The following MAPK9 variants were observed in gnomAD, a reference collection of about 807,000 sequenced individuals.
MAPK9 encodes the protein mitogen-activated protein kinase 9.
A neutral mutation model predicts 57.1 loss-of-function variants in MAPK9; 30 were observed. The ratio of observed to expected loss-of-function variants is 0.53; its 90% CI spans 0.39 to 0.71. The LOEUF is 0.71. Ranked by LOEUF, MAPK9 falls within the 30% of genes least tolerant of loss-of-function variation. MAPK9 has a pLI of 0.00. For missense variants in MAPK9, 362 were observed against 521.0 expected (o/e 0.69, Z 2.97); for synonymous variants, 155 against 177.0 (o/e 0.88, Z 0.99).
At chr5:180,254,194 T>A (rs1759024386) in intron 5 of MAPK9, among the ~76,000 whole-genome samples, 1 of 152,176 alleles carries the variant, frequency 6.6e-6, no homozygotes, top group African/African-American at 2.4e-5. Flanking sequence ...GTCGAACTCT[T>A]GACCTCAGGT....
intron 6 of MAPK9, chr5:180,248,027 C>T (rs780080354): frequency 3.4e-5 from 38 of 1,107,632 alleles, no homozygotes; most frequent in East Asian, 4.9e-5. Flanking sequence ...AGCTTGCCGG[C>T]GGGAGCCTCT....
At chr5:180,243,227 T>C (rs1420777848) in intron 7 of MAPK9, among the ~76,000 whole-genome samples, 1 of 152,216 alleles carries the variant, frequency 6.6e-6, no homozygotes, top group Non-Finnish European at 1.5e-5. Flanking sequence ...ACCAAGCAAC[T>C]GGGCTTAGAC....
rs1022943902 is a variant in MAPK9, at chr5:180,233,426, C to T, written c.*2958G>A. The T allele has an allele frequency of 1.3e-5, 2 of 152,156 alleles. No homozygotes were observed. The highest frequency in any genetic ancestry group is 6.5e-5 in the Admixed American group (1 of 15,278). 9.4% of individuals were successfully genotyped at this position (152,156 alleles called of 1,614,324 possible). On this transcript the variant is annotated 3_prime_UTR_variant, in exon 12 of 12. Coordinates refer to ENST00000452135, the MANE Select transcript of MAPK9 (RefSeq NM_002752.5). ...TTGCAGAATATTTTCAATAAGAGAA[C>T]AAACAGCAATGTTTCTGCCTCTCAG...
At chr5:180,253,034 CA>C (rs1188861810) in intron 5 of MAPK9, among the ~76,000 whole-genome samples, 2 of 152,216 alleles carry the variant, frequency 1.3e-5, no homozygotes, top group African/African-American at 4.8e-5. Flanking sequence ...TCTCCCGCCA[CA>C]GGAGTGAGAG....
At chr5:180,259,636 A>G (rs971917900) in intron 5 of MAPK9, among the ~76,000 whole-genome samples, 3 of 151,832 alleles carry the variant, frequency 2.0e-5, no homozygotes, top group Non-Finnish European at 4.4e-5. Context: ...GACTGTAAGG[A>G]ATGTGGTCAA....
At chr5:180,241,178 A>G in intron 8 of MAPK9, 23 bp from the exon 9 acceptor site, 1 of 1,602,296 alleles carries the variant, frequency 6.2e-7, no homozygotes, top group South Asian at 1.1e-5. Flanking sequence ...CAAATATTAA[A>G]TTAATGCTGT....
Position 180,242,698 on chromosome 5 carries a change from A to G in MAPK9, c.746T>C (p.Met249Thr). 6.2e-7 allele frequency: 1 copy of G among 1,614,168 alleles called. No homozygotes were observed. The highest frequency in any genetic ancestry group is 8.5e-7 in the Non-Finnish European group (1 of 1,180,034). ...EQLGTPSAEF[M>T]KKLQPTVRNY... The stretch of plus-strand genomic sequence containing the variant: ...CCTCACAGTTGGCTGAAGTTTCTTC[A>G]TGAACTCTGCTGATGGTGTTCCCAG... The change falls in exon 8 of 12, where the codon ATG becomes ACG. Residue 249 changes from methionine to threonine, a missense_variant. Physicochemically the swap from Met to Thr is moderately conservative, Grantham distance 81. This residue lies in a region of MAPK9 where 199 missense variants were observed against 251.3 expected (regional missense o/e 0.79). Coordinates refer to ENST00000452135, the MANE Select transcript of MAPK9 (RefSeq NM_002752.5).
intron 11 of MAPK9, chr5:180,236,877 C>A: frequency 6.1e-6 from 1 of 163,216 alleles, no homozygotes; most frequent in Non-Finnish European, 1.3e-5. Flanking sequence ...TGCAGTATCA[C>A]AAAAGCTTAA....
rs1761907719 is a variant in MAPK9, at chr5:180,277,272, CA to C, written c.122+3167del. On this transcript the variant is annotated intron_variant, in intron 2 of 11. Transcript: ENST00000452135. The stretch of plus-strand genomic sequence containing the variant: ...TTCTGGAGGTGAGAAGTCCAAAATG[CA>C]TCTTATGCCTCAAGAGGTAAGCAGG... Among the ~76,000 whole-genome samples the C allele has an allele frequency of 2.6e-5, 4 of 152,210 alleles. No individual in the cohort carries two copies. In the South Asian group the frequency reaches 8.3e-4, roughly 32 times the overall value.
At position 180,267,738 on chromosome 5, in the gene MAPK9, G is replaced by A. The variant is rs376763634; in HGVS notation, c.252+1542C>T. On this transcript the variant is annotated intron_variant, in intron 3 of 11. Transcript: ENST00000452135. ...AAAACTGCCAAGCATGGTGGCGCAC[G>A]CCTATGGTCCCAGCTACTTGGAGGG... Among the ~76,000 whole-genome samples, 9 of 152,164 alleles carry A rather than the reference G, an allele frequency of 5.9e-5. No individual in the cohort carries two copies. The East Asian group carries it at 7.7e-4, about 13-fold the overall frequency.
intron 2 of MAPK9, among the ~76,000 whole-genome samples, chr5:180,276,811 G>A (rs902461863): frequency 1.3e-5 from 2 of 152,146 alleles, no homozygotes; most frequent in African/African-American, 4.8e-5. Flanking sequence ...CCAAGATCAC[G>A]CCACTGCACT....
At chr5:180,275,548 C>T (rs1376977012) in intron 2 of MAPK9, among the ~76,000 whole-genome samples, 2 of 152,200 alleles carry the variant, frequency 1.3e-5, no homozygotes, top group Non-Finnish European at 2.9e-5. Context: ...TTTCAAATGC[C>T]CCCAAGGGAA....
intron 5 of MAPK9, among the ~76,000 whole-genome samples, chr5:180,260,603 C>G (rs937008394): frequency 1.3e-5 from 2 of 152,144 alleles, no homozygotes; most frequent in African/African-American, 4.8e-5. Flanking sequence ...ACCCTTTAAG[C>G]AACATGAATC....
At chr5:180,249,270 T>C (rs1469751915) in intron 5 of MAPK9, 132 bp from the exon 6 acceptor site, 1 of 845,404 alleles carries the variant, frequency 1.2e-6, no homozygotes, top group Non-Finnish European at 1.7e-6. Flanking sequence ...GGGAACAACT[T>C]TGGAAAATCT....
chr5:180,276,012 C>T (rs1761781050), intron 2 of MAPK9, among the ~76,000 whole-genome samples: 1 of 152,158 alleles, frequency 6.6e-6, no homozygotes, highest in Non-Finnish European at 1.5e-5. Context: ...ACTCATTTTA[C>T]AGGTGAAAAT....
intron 1 of MAPK9, among the ~76,000 whole-genome samples, chr5:180,284,535 A>G (rs1001067840): frequency 6.6e-6 from 1 of 152,236 alleles, no homozygotes; most frequent in Non-Finnish European, 1.5e-5. Flanking sequence ...ACTTTCATAC[A>G]CGTCAGTGAG....
At chr5:180,275,071 T>C (rs936451590) in intron 2 of MAPK9, among the ~76,000 whole-genome samples, 7 of 152,224 alleles carry the variant, frequency 4.6e-5, no homozygotes, top group African/African-American at 9.6e-5. Flanking sequence ...CGTAATATCA[T>C]AGCTATTTAA....
In MAPK9 at chr5:180,238,354, A is replaced by G. The variant is rs138473736; in HGVS notation, c.1110T>C (p.Gly370=). 563 of 1,612,728 alleles carry G rather than the reference A, an allele frequency of 3.5e-4. No homozygotes were observed. The highest frequency in any genetic ancestry group is 4.7e-4 in the Non-Finnish European group (550 of 1,179,004). The change falls in exon 11 of 12, where the codon GGT becomes GGC. Residue 370 remains glycine (G), a synonymous_variant. Coordinates refer to ENST00000452135, the MANE Select transcript of MAPK9 (RefSeq NM_002752.5). ...VMDWEERSKN[G]VVKDQPSDAA... ...AACCTGAAGGCTGATCTTTTACAAC[A>G]CCATTCTTGCTTCTTTCTTCCCAAT...
In MAPK9 at chr5:180,250,182, C is replaced by T. The variant is rs147537324; in HGVS notation, c.451-1044G>A. On this transcript the variant is annotated intron_variant, in intron 5 of 11. Transcript: ENST00000452135. ...TCTCAGCACTCAGAAGCACGCCTGGCGCGAGCAGACACTTGGGAAGTGTCT... is the reference window on the plus strand; with the variant it reads ...TCTCAGCACTCAGAAGCACGCCTGGTGCGAGCAGACACTTGGGAAGTGTCT... Among the ~76,000 whole-genome samples, 813 of 152,294 alleles carry T rather than the reference C, an allele frequency of 5.3e-3. 4 individuals carry two copies. The highest frequency in any genetic ancestry group is 7.8e-3 in the Non-Finnish European group (532 of 68,018).
Sources: allele counts gnomAD v4.1 joint callset (sites outside exome capture counted in the v4.1 genomes callset), GRCh38; gene constraint gnomAD v4.1.1; regional missense constraint gnomAD v4.1.1; transcripts MANE v1.5; gene names NCBI Gene and HGNC (gene_info 2026-07-23, HGNC 2026-07-21).